Variants in CEP55 observed in about 807,000 individuals in gnomAD.
CEP55 encodes centrosomal protein 55.
A neutral mutation model predicts 63.2 loss-of-function variants in CEP55; 57 were observed. The observed-to-expected ratio is 0.90, with a 90% CI of 0.73 to 1.13. The LOEUF (loss-of-function observed/expected upper bound fraction) is 1.13. Ranked by LOEUF, CEP55 falls within the 50% of genes most tolerant of loss-of-function variation. The pLI is 0.00. For missense variants in CEP55, 456 were observed against 518.9 expected, an observed-to-expected ratio of 0.88 and a Z score of 1.18; for synonymous variants, 178 against 191.6, an observed-to-expected ratio of 0.93 and a Z score of 0.59.
In CEP55 at chr10:93,496,881, C is replaced by A. The variant is rs1279752577; in HGVS notation, c.-55C>A. 6.6e-6 allele frequency: 1 copy of A among 152,374 alleles called. No individual in the cohort carries two copies. The highest frequency in any genetic ancestry group is 1.5e-5 in the Non-Finnish European group (1 of 68,142). The allele number at this position is 152,374 out of a possible 1,614,324, so 9.4% of individuals were successfully genotyped here. A position where few individuals can be genotyped will look rare whatever the true frequency, so the allele number is the denominator to read the frequency against. ...TTCGTGCCTGGCACCCGGCTGGGCG[C>A]CTCAAGACCGTTGTCTCTTCGATCG... On this transcript the variant is annotated 5_prime_UTR_variant, in exon 1 of 9. Coordinates refer to ENST00000371485, the MANE Select transcript of CEP55 (RefSeq NM_018131.5).
intron 8 of CEP55, among the ~76,000 whole-genome samples, chr10:93,521,266 C>T (rs112188031): frequency 0.038 from 5,853 of 152,242 alleles, 369 homozygotes; most frequent in African/African-American, 0.13. Flanking sequence ...GCTATTCCGA[C>T]GGTCTTAGCA....
At position 93,528,353 on chromosome 10, in the gene CEP55, A is replaced by G. The variant is rs1668298449; in HGVS notation, c.*200A>G. On this transcript the variant is annotated 3_prime_UTR_variant, in exon 9 of 9. Transcript: ENST00000371485. ...TGATACCTCCCTGACATGGTTCATC[A>G]TCAGGCTGCAATGACAGAATGTGGT... The G allele has an allele frequency of 8.5e-6, 5 of 585,046 alleles. No individual in the cohort carries two copies. The East Asian group carries it at 1.4e-4, about 17-fold the overall frequency. 36.2% of individuals were successfully genotyped at this position (585,046 alleles called of 1,614,324 possible).
At chr10:93,516,884 A>C in intron 5 of CEP55, 51 bp from the exon 6 acceptor site, 1 of 1,253,316 alleles carries the variant, frequency 8.0e-7, no homozygotes, top group South Asian at 1.5e-5. Flanking sequence ...TCTTTTCAGG[A>C]ATATTATTTA....
chr10:93,509,895 A>G (rs774058610), intron 4 of CEP55, among the ~76,000 whole-genome samples: 7 of 152,222 alleles, frequency 4.6e-5, no homozygotes, highest in Non-Finnish European at 1.0e-4. Context: ...CTTAGGGAAC[A>G]TGGAAAGAGA....
At chr10:93,509,018 G>C (rs2057716080) in intron 4 of CEP55, among the ~76,000 whole-genome samples, 1 of 152,142 alleles carries the variant, frequency 6.6e-6, no homozygotes, top group Admixed American at 6.5e-5. Flanking sequence ...AGAATGACTG[G>C]ATGGAATCTT....
At chr10:93,519,839 C>A (rs2134491213) in intron 8 of CEP55, 32 bp downstream of exon 8, 1 of 1,612,186 alleles carries the variant, frequency 6.2e-7, no homozygotes, top group Non-Finnish European at 8.5e-7. Context: ...TAAAATTTGT[C>A]TTCGTCTTCC....
At chr10:93,520,131 TAAAA>T (rs1266425895) in intron 8 of CEP55, 1 of 323,054 alleles carries the variant, frequency 3.1e-6, no homozygotes, top group African/African-American at 2.2e-5. Context: ...GTTTATCTAT[TAAAA>T]AAGAAAGAAA....
chr10:93,501,272 T>G (rs2057632273), intron 2 of CEP55, among the ~76,000 whole-genome samples: 1 of 152,226 alleles, frequency 6.6e-6, no homozygotes, highest in Non-Finnish European at 1.5e-5. Context: ...TGTTATGGCA[T>G]AGACAGTAAG....
At chr10:93,527,796 G>T (rs552473352) in intron 8 of CEP55, among the ~76,000 whole-genome samples, 154 bp from the exon 9 acceptor site, 3 of 151,948 alleles carry the variant, frequency 2.0e-5, no homozygotes, top group African/African-American at 7.2e-5. Context: ...TGAGAGGATT[G>T]CTTAAGCCTG....
At chr10:93,500,369 G>A (rs1052336026) in intron 2 of CEP55, 135 bp downstream of exon 2, 14 of 736,420 alleles carry the variant, frequency 1.9e-5, no homozygotes, top group Admixed American at 1.5e-4. Context: ...GCTGACATTG[G>A]GTTTAGAATC....
intron 8 of CEP55, among the ~76,000 whole-genome samples, chr10:93,521,290 G>A (rs1219778755): frequency 1.3e-5 from 2 of 152,188 alleles, no homozygotes; most frequent in Non-Finnish European, 2.9e-5. Context: ...AGCACACCAG[G>A]AGATTATATC....
Position 93,517,202 on chromosome 10 carries a change from G to A in CEP55, c.947G>A (p.Gly316Glu). Reference protein sequence around the residue: ...KLREENDIARGKLEEEKKRSE... With the variant: ...KLREENDIAREKLEEEKKRSE... ...AGGGAAGAGAATGATATTGCTAGGG[G>A]AAAACTTGAAGAAGAGAAGAAGAGA... Residue 316 changes from glycine (G) to glutamate (E), a missense_variant, in exon 6 of 9, where the codon GGA becomes GAA. Coordinates refer to ENST00000371485, the MANE Select transcript of CEP55 (RefSeq NM_018131.5). 1 of 1,609,824 alleles carries A rather than the reference G, an allele frequency of 6.2e-7. No homozygotes were observed. Among genetic ancestry groups the A allele is most frequent in the Non-Finnish European group, 8.5e-7 (1 of 1,178,296 alleles).
At chr10:93,509,243 C>A (rs536875570) in intron 4 of CEP55, among the ~76,000 whole-genome samples, 1 of 152,190 alleles carries the variant, frequency 6.6e-6, no homozygotes, top group East Asian at 1.9e-4. Flanking sequence ...ATCTTCTCAG[C>A]TTATTTAAGG....
chr10:93,515,421 A>T lies in CEP55; in HGVS notation c.545A>T (p.Gln182Leu). 1.3e-6 allele frequency: 2 copies of T among 1,597,308 alleles called. No individual in the cohort carries two copies. Among genetic ancestry groups the T allele is most frequent in the Non-Finnish European group, 1.7e-6 (2 of 1,168,108 alleles). ...IQLKDALEKN[Q>L]QWLVYDQQRE... Reference sequence around the variant, plus strand: ...CCCATTAAGGCTCTGGAGAAAAATCAGCAGTGGCTCGTGTATGATCAGCAG... The same window carrying T: ...CCCATTAAGGCTCTGGAGAAAAATCTGCAGTGGCTCGTGTATGATCAGCAG... Residue 182 changes from glutamine (Q) to leucine (L), a missense_variant, in exon 5 of 9, where the codon CAG (glutamine) becomes CTG (leucine). By Grantham distance (113) the Gln-to-Leu change is moderately radical. Coordinates refer to ENST00000371485, the MANE Select transcript of CEP55 (RefSeq NM_018131.5).
In CEP55 at chr10:93,528,810, G is replaced by A. The variant is rs2134510068; in HGVS notation, c.*657G>A. ...ATGTTTTCTCTTATGTTATCTGGCA[G>A]TAACTGTAACTTGAATTACATTAGC... On this transcript the variant is annotated 3_prime_UTR_variant, in exon 9 of 9. Transcript: ENST00000371485. The A allele has an allele frequency of 6.6e-6, 1 of 152,310 alleles. No individual in the cohort carries two copies. Among genetic ancestry groups the A allele is most frequent in the Non-Finnish European group, 1.5e-5 (1 of 68,056 alleles). 9.4% of individuals were successfully genotyped at this position (152,310 alleles called of 1,614,324 possible).
chr10:93,518,544 C>T (rs2057826431), intron 6 of CEP55, among the ~76,000 whole-genome samples: 1 of 152,214 alleles, frequency 6.6e-6, no homozygotes. Flanking sequence ...AATTTTGCTT[C>T]AGCTCTGGCT....
chr10:93,502,482 A>G (rs11187478), intron 2 of CEP55, among the ~76,000 whole-genome samples: 7,564 of 152,252 alleles, frequency 0.05, 250 homozygotes, highest in Non-Finnish European at 0.076. Context: ...CTATAATTTT[A>G]ATAATTATTT....
At chr10:93,518,746 T>C in intron 6 of CEP55, 131 bp from the exon 7 acceptor site, 2 of 586,974 alleles carry the variant, frequency 3.4e-6, no homozygotes, top group Non-Finnish European at 6.1e-6. Flanking sequence ...CCAGCTGGAA[T>C]GATTCACCCC....
intron 3 of CEP55, among the ~76,000 whole-genome samples, chr10:93,506,524 T>A (rs1459569751): frequency 1.3e-5 from 2 of 152,164 alleles, no homozygotes; most frequent in Non-Finnish European, 2.9e-5. Flanking sequence ...CTCTGGTAAC[T>A]CTCACCTGGC....
Sources: gnomAD v4.1 joint callset for allele counts (sites outside exome capture counted in the v4.1 genomes callset) on GRCh38, gnomAD v4.1.1 for gene constraint, MANE v1.5 for transcripts, NCBI Gene and HGNC (gene_info 2026-07-23, HGNC 2026-07-21) for gene names.